Variants in TMCC1 observed in about 807,000 individuals in gnomAD.
TMCC1 encodes the protein transmembrane and coiled-coil domains protein 1.
TMCC1 carries 15 observed loss-of-function variants against 52.4 expected under a neutral mutation model. The ratio of observed to expected loss-of-function variants is 0.29; its 90% confidence interval spans 0.19 to 0.44. The LOEUF (loss-of-function observed/expected upper bound fraction) is 0.44. Ranked by LOEUF, TMCC1 falls within the 20% of genes least tolerant of loss-of-function variation. The pLI is 1.00. For synonymous variants in TMCC1, 279 were observed against 301.9 expected (o/e 0.92, Z 0.79); for missense variants, 503 against 806.0 (o/e 0.62, Z 4.55).
At chr3:129,825,955 C>A (rs1297551496) in intron 4 of TMCC1, among the ~76,000 whole-genome samples, 1 of 152,136 alleles carries the variant, frequency 6.6e-6, no homozygotes, top group Non-Finnish European at 1.5e-5. Context: ...GTTGACAAAG[C>A]ATTAAAGAAA....
intron 4 of TMCC1, among the ~76,000 whole-genome samples, chr3:129,811,100 A>C (rs1390416662): frequency 1.3e-5 from 2 of 152,190 alleles, no homozygotes; most frequent in Admixed American, 1.3e-4. Context: ...ATAAGCTTCT[A>C]TATCACTAAA....
chr3:129,670,610 A>G lies in TMCC1; in HGVS notation c.1231T>C (p.Phe411Leu). The change falls in exon 5 of 7, where the codon TTT becomes CTT. Residue 411 changes from phenylalanine (F) to leucine (L), a missense_variant. Transcript: ENST00000393238. ...CTACCATATTTTGGGCTAGACTGAA[A>G]GTTTGAAATCACTCCCAAAGCCTTC... ...AGKALGVISN[F>L]QSSPKYGSEE... The G allele has an allele frequency of 1.2e-6, 2 of 1,614,190 alleles. No individual in the cohort carries two copies. The highest frequency in any genetic ancestry group is 1.7e-6 in the Non-Finnish European group (2 of 1,180,030).
chr3:129,843,377 T>C (rs536038284), intron 2 of TMCC1, among the ~76,000 whole-genome samples: 1 of 151,102 alleles, frequency 6.6e-6, no homozygotes. Context: ...ATAATAAAAA[T>C]TAGAGCAGAA....
At chr3:129,768,079 C>T (rs1233078028) in intron 4 of TMCC1, among the ~76,000 whole-genome samples, 2 of 152,158 alleles carry the variant, frequency 1.3e-5, no homozygotes, top group East Asian at 3.8e-4. Flanking sequence ...GTCTCAGTTA[C>T]TTGCAAGGCT....
intron 4 of TMCC1, among the ~76,000 whole-genome samples, chr3:129,706,378 G>A (rs2108985754): frequency 6.6e-6 from 1 of 151,040 alleles, no homozygotes; most frequent in South Asian, 2.1e-4. Flanking sequence ...GCTAATTTTT[G>A]TATTTTTAGT....
intron 5 of TMCC1, among the ~76,000 whole-genome samples, chr3:129,665,183 G>C (rs1177295256): frequency 6.6e-6 from 1 of 152,248 alleles, no homozygotes; most frequent in Non-Finnish European, 1.5e-5. Context: ...GGCTGAGGTG[G>C]AGTTCAGATC....
At chr3:129,713,104 A>T (rs1337012108) in intron 4 of TMCC1, among the ~76,000 whole-genome samples, 1 of 152,080 alleles carries the variant, frequency 6.6e-6, no homozygotes, top group Non-Finnish European at 1.5e-5. Context: ...TCTACAAAAA[A>T]TAAAAAAAAT....
chr3:129,675,222 G>T (rs1466709932), intron 4 of TMCC1, among the ~76,000 whole-genome samples: 2 of 152,208 alleles, frequency 1.3e-5, no homozygotes, highest in African/African-American at 4.8e-5. Flanking sequence ...AGGCAGCACT[G>T]CAAAATAAGG....
At chr3:129,735,907 T>C (rs1275859680) in intron 4 of TMCC1, among the ~76,000 whole-genome samples, 4 of 152,170 alleles carry the variant, frequency 2.6e-5, no homozygotes, top group Admixed American at 2.0e-4. Flanking sequence ...GCTGCGAACA[T>C]GGTAGAAGCC....
intron 4 of TMCC1, chr3:129,688,705 C>A: frequency 2.0e-6 from 2 of 985,444 alleles, no homozygotes; most frequent in Non-Finnish European, 2.4e-6. Context: ...TGCGCGCGCA[C>A]GCAGTTTGCT....
intron 4 of TMCC1, among the ~76,000 whole-genome samples, chr3:129,718,927 TTTGA>T (rs1342151488): frequency 2.6e-5 from 4 of 152,188 alleles, no homozygotes; most frequent in African/African-American, 9.6e-5. Flanking sequence ...TACACGGATC[TTTGA>T]TTGTGTGTGA....
rs778823573 is a variant in TMCC1, at chr3:129,670,525, C to G, written c.1316G>C (p.Gly439Ala). Residue 439 changes from glycine (G) to alanine (A), a missense_variant, in exon 5 of 7, where the codon GGC (glycine) becomes GCC (alanine). By Grantham distance (60) the Gly-to-Ala change is moderately conservative. Coordinates refer to ENST00000393238, the MANE Select transcript of TMCC1 (RefSeq NM_001017395.5). ...GSVGANSTTG[G>A]IAVGASSSKT... ...GGAGCTGGATGCTCCTACAGCGATG[C>G]CCCCTGTGGTGCTGTTGGCTCCCAC... is the stretch of plus-strand genomic sequence containing the variant. 21 of 1,614,028 alleles carry G rather than the reference C, an allele frequency of 1.3e-5. No homozygotes were observed. Among genetic ancestry groups the G allele is most frequent in the Non-Finnish European group, 1.8e-5 (21 of 1,180,036 alleles).
Position 129,670,448 on chromosome 3 carries a change from C to T in TMCC1, c.1393G>A (p.Glu465Lys). ...TGGGTTTCCCGGATCTCCTGGATCT[C>T]ATGTAGTAGTGCATCAAATCCTGAG... ...QSSGFDALLHEIQEIRETQAR... is the reference protein window; with the variant it reads ...QSSGFDALLHKIQEIRETQAR... Residue 465 changes from glutamate (E) to lysine (K), a missense_variant, in exon 5 of 7, where the codon GAG becomes AAG. Physicochemically the swap from Glu to Lys is moderately conservative, Grantham distance 56. Coordinates refer to ENST00000393238, the MANE Select transcript of TMCC1 (RefSeq NM_001017395.5). The T allele has an allele frequency of 6.2e-7, 1 of 1,614,142 alleles. No individual in the cohort carries two copies. Among genetic ancestry groups the T allele is most frequent in the Non-Finnish European group, 8.5e-7 (1 of 1,180,020 alleles).
At chr3:129,785,672 AT>A (rs1398443038) in intron 4 of TMCC1, among the ~76,000 whole-genome samples, 11 of 152,156 alleles carry the variant, frequency 7.2e-5, no homozygotes, top group African/African-American at 2.7e-4. Context: ...TCTTCAAATA[AT>A]TAGAAGACAG....
chr3:129,853,491 T>C (rs568212023), intron 2 of TMCC1, among the ~76,000 whole-genome samples: 1 of 151,986 alleles, frequency 6.6e-6, no homozygotes, highest in East Asian at 1.9e-4. Flanking sequence ...TAGCCAGCCA[T>C]GGTGGCACAT....
chr3:129,716,682 A>G (rs1304765139), intron 4 of TMCC1, among the ~76,000 whole-genome samples: 1 of 151,910 alleles, frequency 6.6e-6, no homozygotes, highest in Non-Finnish European at 1.5e-5. Flanking sequence ...CTGCCCATGA[A>G]GGTGCCAGTG....
chr3:129,825,343 C>G (rs1256678314), intron 4 of TMCC1, among the ~76,000 whole-genome samples: 4 of 152,204 alleles, frequency 2.6e-5, no homozygotes, highest in African/African-American at 9.6e-5. Context: ...CCCTTTCCTT[C>G]TGCCTATAAG....
At chr3:129,692,742 T>C (rs2047115448) in intron 4 of TMCC1, among the ~76,000 whole-genome samples, 1 of 152,202 alleles carries the variant, frequency 6.6e-6, no homozygotes, top group South Asian at 2.1e-4. Context: ...AACAGAGAAA[T>C]ATAAGGTGTA....
At chr3:129,790,425 C>A (rs2056374202) in intron 4 of TMCC1, among the ~76,000 whole-genome samples, 1 of 152,138 alleles carries the variant, frequency 6.6e-6, no homozygotes, top group Non-Finnish European at 1.5e-5. Flanking sequence ...CACGAAATGA[C>A]ACAGCCAGAA....
Sources: allele counts gnomAD v4.1 joint callset (sites outside exome capture counted in the v4.1 genomes callset), GRCh38; gene constraint gnomAD v4.1.1; transcripts MANE v1.5; gene names NCBI Gene and HGNC (gene_info 2026-07-23, HGNC 2026-07-21).